COL19A1: variants seen among roughly 807,000 people sequenced by gnomAD.
COL19A1 encodes the protein collagen type XIX alpha 1 chain.
In COL19A1, 159 loss-of-function variants were observed where a neutral mutation model predicts 190.2. That is an observed-to-expected ratio of 0.84 (90% CI 0.73 to 0.95). COL19A1 has a LOEUF of 0.95. Ranked by LOEUF, COL19A1 falls within the 40% of genes least tolerant of loss-of-function variation. The probability of loss-of-function intolerance (pLI) is 0.00; values close to 1 mark genes in which losing one functional copy is unlikely to be tolerated. For synonymous variants in COL19A1, 509 were observed against 458.9 expected (o/e 1.11, Z -1.39); for missense variants, 1,418 against 1,431.9 (o/e 0.99, Z 0.16).
intron 2 of COL19A1, 52 bp from the exon 3 acceptor site, chr6:69,898,892 GTAAT>G: frequency 2.0e-6 from 2 of 994,808 alleles, no homozygotes; most frequent in Non-Finnish European, 3.2e-6. Flanking sequence ...ATTGTACTGT[GTAAT>G]TAAAATTCAT....
chr6:70,041,514 A>T (rs896234542), intron 14 of COL19A1, among the ~76,000 whole-genome samples: 2 of 152,128 alleles, frequency 1.3e-5, no homozygotes, highest in Non-Finnish European at 2.9e-5. Flanking sequence ...GTTTAAACCA[A>T]ACCTTAAACA....
Position 69,879,554 on chromosome 6 carries a change from G to A in COL19A1, c.-14G>A, listed in dbSNP as rs1206752492. Reference sequence around the variant, plus strand: ...GTTGCAGATCCGTGGCCGTTCACATGGTTTCAAGGCACAATGAGACTCACT... The same window carrying A: ...GTTGCAGATCCGTGGCCGTTCACATAGTTTCAAGGCACAATGAGACTCACT... On this transcript the variant is annotated 5_prime_UTR_variant, in exon 2 of 51. It removes an upstream start codon present in the reference 5' UTR. Coordinates refer to ENST00000620364, the MANE Select transcript of COL19A1 (RefSeq NM_001858.6). 2 of 1,609,466 alleles carry A rather than the reference G, an allele frequency of 1.2e-6. No individual in the cohort carries two copies. Among genetic ancestry groups the A allele is most frequent in the Non-Finnish European group, 8.5e-7 (1 of 1,177,094 alleles).
intron 9 of COL19A1, among the ~76,000 whole-genome samples, chr6:69,952,665 C>G (rs1292453728): frequency 1.3e-5 from 2 of 151,956 alleles, no homozygotes; most frequent in Non-Finnish European, 2.9e-5. Flanking sequence ...ACCATAAACT[C>G]TGAAGCCCTC....
intron 9 of COL19A1, among the ~76,000 whole-genome samples, chr6:69,951,939 C>T (rs1409885897): frequency 1.3e-5 from 2 of 151,876 alleles, no homozygotes; most frequent in Non-Finnish European, 2.9e-5. Flanking sequence ...CTGGACAGCT[C>T]CTCAAATATT....
intron 18 of COL19A1, among the ~76,000 whole-genome samples, chr6:70,135,189 C>T (rs996409328): frequency 2.6e-5 from 4 of 152,182 alleles, no homozygotes; most frequent in Non-Finnish European, 5.9e-5. Flanking sequence ...CATGCCCTCC[C>T]TGGTCATGCC....
intron 15 of COL19A1, among the ~76,000 whole-genome samples, chr6:70,089,020 G>A (rs892779139): frequency 6.6e-6 from 1 of 152,128 alleles, no homozygotes. Flanking sequence ...ATGAACGTAT[G>A]AATATTGCCA....
chr6:70,167,958 T>A (rs1462828059), intron 37 of COL19A1, 67 bp from the exon 38 acceptor site: 5 of 1,180,406 alleles, frequency 4.2e-6, no homozygotes, highest in Non-Finnish European at 6.0e-6. Context: ...TTTGGTAAAA[T>A]GATAAAATGT....
At chr6:69,899,497 G>A (rs1424881557) in intron 3 of COL19A1, among the ~76,000 whole-genome samples, 1 of 151,922 alleles carries the variant, frequency 6.6e-6, no homozygotes, top group African/African-American at 2.4e-5. Context: ...TCCGAAAGCA[G>A]GGTTCTATAT....
At chr6:69,998,701 C>T (rs1270957711) in intron 11 of COL19A1, among the ~76,000 whole-genome samples, 1 of 149,876 alleles carries the variant, frequency 6.7e-6, no homozygotes, top group African/African-American at 2.5e-5. Context: ...GAAAGTAATT[C>T]ATCATTCCTA....
At chr6:70,113,540 C>A (rs967099035) in intron 16 of COL19A1, among the ~76,000 whole-genome samples, 1 of 152,146 alleles carries the variant, frequency 6.6e-6, no homozygotes, top group Non-Finnish European at 1.5e-5. Flanking sequence ...TTTTATTCCA[C>A]CTCCTTTGAC....
intron 15 of COL19A1, among the ~76,000 whole-genome samples, chr6:70,099,163 A>C (rs1014761449): frequency 6.6e-6 from 1 of 151,338 alleles, no homozygotes; most frequent in Non-Finnish European, 1.5e-5. Context: ...TTTCTCATCC[A>C]TCCACCCCTC....
intron 11 of COL19A1, among the ~76,000 whole-genome samples, chr6:69,999,314 T>C (rs1777107204): frequency 6.6e-6 from 1 of 151,992 alleles, no homozygotes; most frequent in African/African-American, 2.4e-5. Context: ...GGAGGCCACT[T>C]GAACCCAGGA....
intron 11 of COL19A1, among the ~76,000 whole-genome samples, chr6:70,004,567 A>G (rs1285560629): frequency 2.0e-5 from 3 of 151,948 alleles, no homozygotes; most frequent in Non-Finnish European, 4.4e-5. Flanking sequence ...GGCTTTGTTC[A>G]TTCCTTTTCA....
At position 70,209,141 on chromosome 6, in the gene COL19A1, T is replaced by TA. The variant is rs1326381853; in HGVS notation, c.*1868dup. The TA allele has an allele frequency of 6.5e-6, 1 of 152,716 alleles. No individual in the cohort carries two copies. The highest frequency in any genetic ancestry group is 1.9e-4 in the East Asian group (1 of 5,184). 9.5% of individuals were successfully genotyped at this position (152,716 alleles called of 1,614,324 possible). A position where few individuals can be genotyped will look rare whatever the true frequency, so the allele number is the denominator to read the frequency against. The stretch of plus-strand genomic sequence containing the variant: ...GTGTTTTCTTAGTAAAATGGTAATT[T>TA]ATCCCGAAAAAGTGTACATAGATCT... On this transcript the variant is annotated 3_prime_UTR_variant, in exon 51 of 51. Coordinates refer to ENST00000620364, the MANE Select transcript of COL19A1 (RefSeq NM_001858.6).
At chr6:70,105,649 A>G (rs1783908284) in intron 16 of COL19A1, among the ~76,000 whole-genome samples, 1 of 152,142 alleles carries the variant, frequency 6.6e-6, no homozygotes. Context: ...TATGACATGC[A>G]TCTTACTTTA....
chr6:70,195,986 T>A (rs1209113022), intron 48 of COL19A1, among the ~76,000 whole-genome samples: 1 of 152,188 alleles, frequency 6.6e-6, no homozygotes, highest in East Asian at 1.9e-4. Context: ...ATGTGTTTAA[T>A]CCGCCATCTT....
chr6:70,130,002 G>T (rs1236554761), intron 17 of COL19A1, among the ~76,000 whole-genome samples, 180 bp from the exon 18 acceptor site: 2 of 152,176 alleles, frequency 1.3e-5, no homozygotes, highest in Non-Finnish European at 2.9e-5. Flanking sequence ...TTATTTAGAA[G>T]AATATTTAAC....
rs1470091927 is a variant in COL19A1, at chr6:70,211,472, C to G, written c.*4198C>G. 6.6e-6 allele frequency among the ~76,000 whole-genome samples: 1 copy of G among 151,116 alleles called. No individual in the cohort carries two copies. The highest frequency in any genetic ancestry group is 2.4e-5 in the African/African-American group (1 of 41,028). ...ACTTGAGTGTTGACACATTTTTGTA[C>G]CATCCCCCTTTTGTACCATCTCTGC... On this transcript the variant is annotated 3_prime_UTR_variant, in exon 51 of 51. Coordinates refer to ENST00000620364, the MANE Select transcript of COL19A1 (RefSeq NM_001858.6).
intron 46 of COL19A1, 109 bp from the exon 47 acceptor site, chr6:70,187,966 A>G: frequency 1.6e-6 from 2 of 1,283,580 alleles, no homozygotes; most frequent in Non-Finnish European, 2.2e-6. Flanking sequence ...TAAGTTATTT[A>G]TACAAGGCCC....
Sources: allele counts gnomAD v4.1 joint callset (sites outside exome capture counted in the v4.1 genomes callset), GRCh38; gene constraint gnomAD v4.1.1; transcripts MANE v1.5; gene names NCBI Gene and HGNC (gene_info 2026-07-23, HGNC 2026-07-21).